The following GINS4 variants were observed in gnomAD, a reference collection of about 807,000 sequenced individuals.
GINS4 encodes the protein GINS complex subunit 4, also known as DNA replication complex GINS protein SLD5.
In GINS4, 20 loss-of-function variants were observed where a neutral mutation model predicts 31.1. The observed-to-expected ratio is 0.64, with a 90% CI of 0.45 to 0.93. The LOEUF is 0.93. GINS4 is among the 40% of genes least tolerant of loss of function. The pLI is 0.00. For missense variants in GINS4, 245 were observed against 273.9 expected (o/e 0.89, Z 0.75); for synonymous variants, 85 against 97.9 (o/e 0.87, Z 0.78).
At chr8:41,534,989 C>T (rs968466340) in intron 2 of GINS4, among the ~76,000 whole-genome samples, 42 of 152,010 alleles carry the variant, frequency 2.8e-4, no homozygotes, top group Non-Finnish European at 1.3e-4. Context: ...TCCCAAAGTG[C>T]TGGGATTACA....
chr8:41,537,212 C>A lies in GINS4; in HGVS notation c.216C>A (p.Asp72Glu), dbSNP rs770717999. The change falls in exon 4 of 8, where the codon GAC (aspartate) becomes GAA (glutamate). Residue 72 changes from aspartate to glutamate, a missense_variant. Physicochemically the swap from Asp to Glu is conservative, Grantham distance 45. Coordinates refer to ENST00000276533, the MANE Select transcript of GINS4 (RefSeq NM_032336.3). ...ATCTCAGGAGAGCCAAAAGGGAGGA[C>A]CTGAAGGTCAGCATCCACCAAATGG... Reference protein sequence around the residue: ...EENLRRAKREDLKVSIHQMEM... With the variant: ...EENLRRAKREELKVSIHQMEM... The A allele has an allele frequency of 6.2e-7, 1 of 1,613,498 alleles. No homozygotes were observed. Among genetic ancestry groups the A allele is most frequent in the African/African-American group, 1.3e-5 (1 of 74,878 alleles).
Position 41,544,443 on chromosome 8 carries a change from T to C in GINS4, c.*2356T>C, listed in dbSNP as rs1352803575. Reference sequence around the variant, plus strand: ...TAGTGCTAAGCCCAGAGACCTGAGCTGTTAACCTAGAACAGTGTGCTTCCT... The same window carrying C: ...TAGTGCTAAGCCCAGAGACCTGAGCCGTTAACCTAGAACAGTGTGCTTCCT... On this transcript the variant is annotated 3_prime_UTR_variant, in exon 8 of 8. Coordinates refer to ENST00000276533, the MANE Select transcript of GINS4 (RefSeq NM_032336.3). The C allele has an allele frequency of 1.3e-5, 2 of 152,226 alleles. No individual in the cohort carries two copies. Among genetic ancestry groups the C allele is most frequent in the Non-Finnish European group, 2.9e-5 (2 of 68,056 alleles). The allele number at this position is 152,226 out of a possible 1,614,324, so 9.4% of individuals were successfully genotyped here.
Position 41,543,357 on chromosome 8 carries a change from G to A in GINS4, c.*1270G>A, listed in dbSNP as rs561990628. 5.0e-4 allele frequency: 76 copies of A among 152,282 alleles called. No homozygotes were observed. The highest frequency in any genetic ancestry group is 1.6e-3 in the African/African-American group (67 of 41,550). 9.4% of individuals were successfully genotyped at this position (152,282 alleles called of 1,614,324 possible). ...CAGCAGCTTTGCCAAGTCAGCCTCC[G>A]GGCCATCTGGCTGTCCTTGGCCAAG... On this transcript the variant is annotated 3_prime_UTR_variant, in exon 8 of 8. Transcript: ENST00000276533.
chr8:41,537,278 G>C lies in GINS4; in HGVS notation c.282G>C (p.Arg94=). Reference sequence around the variant, plus strand: ...GCTACGTCCTCAGCAGCTACTTGCGGTGTCGCCTCATGAAGGTTTGACGTG... The same window carrying C: ...GCTACGTCCTCAGCAGCTACTTGCGCTGTCGCCTCATGAAGGTTTGACGTG... The part of the protein sequence containing the change: ...RIRYVLSSYL[R]CRLMKIEKFF... Residue 94 remains arginine (R), a synonymous_variant, in exon 4 of 8, where the codon CGG becomes CGC. Transcript: ENST00000276533. The C allele has an allele frequency of 6.2e-7, 1 of 1,612,240 alleles. No homozygotes were observed. Among genetic ancestry groups the C allele is most frequent in the Non-Finnish European group, 8.5e-7 (1 of 1,178,592 alleles).
At position 41,542,456 on chromosome 8, in the gene GINS4, G is replaced by T. The variant is rs1806860693; in HGVS notation, c.*369G>T. On this transcript the variant is annotated 3_prime_UTR_variant, in exon 8 of 8. Coordinates refer to ENST00000276533, the MANE Select transcript of GINS4 (RefSeq NM_032336.3). ...GAGGTCAGGAGATCAAGACCATCCT[G>T]GCTACTAAACCCCATCTCTACTAAA... The T allele has an allele frequency of 3.9e-6, 1 of 254,548 alleles. No individual in the cohort carries two copies. The highest frequency in any genetic ancestry group is 2.2e-5 in the African/African-American group (1 of 44,480). The allele number at this position is 254,548 out of a possible 1,614,324, so 15.8% of individuals were successfully genotyped here. A position where few individuals can be genotyped will look rare whatever the true frequency, so the allele number is the denominator to read the frequency against.
At chr8:41,530,568 A>T (rs1326424030) in intron 2 of GINS4, among the ~76,000 whole-genome samples, 1 of 152,140 alleles carries the variant, frequency 6.6e-6, no homozygotes, top group Non-Finnish European at 1.5e-5. Flanking sequence ...GATCCACGTG[A>T]TATTTTCAGG....
At chr8:41,532,663 C>T (rs547665000) in intron 2 of GINS4, among the ~76,000 whole-genome samples, 10 of 151,970 alleles carry the variant, frequency 6.6e-5, no homozygotes, top group East Asian at 5.8e-4. Flanking sequence ...GGCGAAACCC[C>T]GTCTCTACCA....
intron 2 of GINS4, among the ~76,000 whole-genome samples, chr8:41,534,576 C>T (rs1401613570): frequency 6.6e-6 from 1 of 152,116 alleles, no homozygotes; most frequent in Non-Finnish European, 1.5e-5. Context: ...AATACTACCC[C>T]AGTGTACCAG....
chr8:41,529,634 A>C (rs1042794501), intron 1 of GINS4: 1 of 152,382 alleles, frequency 6.6e-6, no homozygotes, highest in South Asian at 2.1e-4. Context: ...TAGAGACAGG[A>C]TCTCCCTATG....
intron 6 of GINS4, 101 bp from the exon 7 acceptor site, chr8:41,541,708 A>G (rs1585624838): frequency 3.5e-6 from 3 of 868,828 alleles, no homozygotes; most frequent in Admixed American, 4.2e-5. Flanking sequence ...CTGGGCTCCT[A>G]TCTAAACCCT....
chr8:41,531,128 C>T (rs917216768), intron 2 of GINS4, among the ~76,000 whole-genome samples: 2 of 152,122 alleles, frequency 1.3e-5, no homozygotes, highest in East Asian at 1.9e-4. Context: ...AAAAATTAGC[C>T]GGATGTGGTG....
Position 41,537,599 on chromosome 8 carries a change from A to G in GINS4, c.297+306A>G, listed in dbSNP as rs1024289600. 7.0e-5 allele frequency: 18 copies of G among 256,138 alleles called. No individual in the cohort carries two copies. In the East Asian group the frequency reaches 1.2e-3, roughly 17 times the overall value. 15.9% of individuals were successfully genotyped at this position (256,138 alleles called of 1,614,324 possible). A position where few individuals can be genotyped will look rare whatever the true frequency, so the allele number is the denominator to read the frequency against. ...AAGGGAGAGTTGTTGGCATTGGTCA[A>G]TAGTGAATGCTGACTAGAGGAGAAC... is the stretch of plus-strand genomic sequence containing the variant. On this transcript the variant is annotated intron_variant, in intron 4 of 7. Coordinates refer to ENST00000276533, the MANE Select transcript of GINS4 (RefSeq NM_032336.3).
In GINS4 at chr8:41,535,114, G is replaced by T. The variant is rs548833769; in HGVS notation, c.97-1246G>T. On this transcript the variant is annotated intron_variant, in intron 2 of 7. Transcript: ENST00000276533. ...GCACTTTGAGAGGCCAAGGCAGGTGGATCACTTGAGGTCAGGAGTTCAAGA... is the reference window on the plus strand; with the variant it reads ...GCACTTTGAGAGGCCAAGGCAGGTGTATCACTTGAGGTCAGGAGTTCAAGA... 3.4e-4 allele frequency among the ~76,000 whole-genome samples: 52 copies of T among 152,170 alleles called. 1 individual carries two copies. The East Asian group carries it at 9.5e-3, about 28-fold the overall frequency.
chr8:41,537,294 G>A lies in GINS4; in HGVS notation c.297+1G>A. On this transcript the variant is annotated splice_donor_variant, in intron 4 of 7. Coordinates refer to ENST00000276533, the MANE Select transcript of GINS4 (RefSeq NM_032336.3). LOFTEE classifies it high-confidence loss of function. ...CTACTTGCGGTGTCGCCTCATGAAG[G>A]TTTGACGTGGAGATACCTGGAGGGA... The A allele has an allele frequency of 3.1e-6, 5 of 1,595,740 alleles. No individual in the cohort carries two copies. Among genetic ancestry groups the A allele is most frequent in the Non-Finnish European group, 3.4e-6 (4 of 1,164,448 alleles).
intron 3 of GINS4, among the ~76,000 whole-genome samples, chr8:41,536,699 C>A (rs1352829111): frequency 6.6e-6 from 1 of 152,244 alleles, no homozygotes; most frequent in Non-Finnish European, 1.5e-5. Context: ...CCAGAGCAGT[C>A]CCATGAGAGC....
chr8:41,536,978 G>C (rs1440250209), intron 3 of GINS4: 2 of 526,522 alleles, frequency 3.8e-6, no homozygotes, highest in East Asian at 6.7e-5. Flanking sequence ...TCTTTTGGAA[G>C]CCTCTGGCTG....
chr8:41,532,962 C>A (rs1418856466), intron 2 of GINS4, among the ~76,000 whole-genome samples: 2 of 152,146 alleles, frequency 1.3e-5, no homozygotes, highest in Non-Finnish European at 2.9e-5. Context: ...ATACCTGCGG[C>A]CCAGTAGTTC....
chr8:41,535,009 C>T (rs1028830176), intron 2 of GINS4, among the ~76,000 whole-genome samples: 15 of 152,104 alleles, frequency 9.9e-5, no homozygotes, highest in Non-Finnish European at 1.6e-4. Context: ...AGGCGTGAGC[C>T]ACTGCACCCG....
chr8:41,541,805 G>A lies in GINS4; in HGVS notation c.485-4G>A. Reference sequence around the variant, plus strand: ...TCCTAATCACATTGTTGTTTTCCTGGCAGTTCCCAAACCAGATCTAGATTC... The same window carrying A: ...TCCTAATCACATTGTTGTTTTCCTGACAGTTCCCAAACCAGATCTAGATTC... On this transcript the variant is annotated splice_polypyrimidine_tract_variant and splice_region_variant and intron_variant, in intron 6 of 7. Transcript: ENST00000276533. 1.2e-6 allele frequency: 2 copies of A among 1,611,906 alleles called. No homozygotes were observed. The highest frequency in any genetic ancestry group is 1.3e-5 in the African/African-American group (1 of 74,984).
Sources: allele counts gnomAD v4.1 joint callset (sites outside exome capture counted in the v4.1 genomes callset), GRCh38; gene constraint gnomAD v4.1.1; transcripts MANE v1.5; gene names NCBI Gene and HGNC (gene_info 2026-07-23, HGNC 2026-07-21).